Variants in ALK observed in about 807,000 individuals in gnomAD.
ALK encodes ALK receptor tyrosine kinase, also known as ALK tyrosine kinase receptor.
ALK carries 74 observed loss-of-function variants against 163.1 expected under a neutral mutation model. That is an observed-to-expected ratio of 0.45 (90% CI 0.38 to 0.55). The LOEUF (loss-of-function observed/expected upper bound fraction) is 0.55, where lower values mean the gene tolerates loss of function less well. Ranked by LOEUF, ALK falls within the 20% of genes least tolerant of loss-of-function variation. The pLI is 0.00. For synonymous variants in ALK, 960 were observed against 843.2 expected (o/e 1.14, Z -2.40); for missense variants, 2,063 against 2,105.3 (o/e 0.98, Z 0.39).
At chr2:29,673,803 C>A (rs1466879040) in intron 3 of ALK, among the ~76,000 whole-genome samples, 1 of 151,326 alleles carries the variant, frequency 6.6e-6, no homozygotes, top group Non-Finnish European at 1.5e-5. Flanking sequence ...ATTCTTCCTA[C>A]CCAAGAGCAT....
intron 2 of ALK, among the ~76,000 whole-genome samples, chr2:29,696,908 C>G (rs1203473984): frequency 1.3e-5 from 2 of 150,056 alleles, no homozygotes; most frequent in Non-Finnish European, 3.0e-5. Flanking sequence ...GAAATAAAAC[C>G]TGCTTGCCCT....
chr2:29,494,316 T>C (rs986761365), intron 4 of ALK, among the ~76,000 whole-genome samples: 1 of 152,134 alleles, frequency 6.6e-6, no homozygotes, highest in Non-Finnish European at 1.5e-5. Context: ...TCTCTGTTCA[T>C]GGTGAGGGAG....
At chr2:29,240,571 G>A (rs1196920438) in intron 12 of ALK, among the ~76,000 whole-genome samples, 1 of 152,166 alleles carries the variant, frequency 6.6e-6, no homozygotes, top group Non-Finnish European at 1.5e-5. Flanking sequence ...TATATGAGCC[G>A]ACTGTCTATT....
intron 2 of ALK, among the ~76,000 whole-genome samples, chr2:29,711,787 C>G (rs972636242): frequency 2.0e-5 from 3 of 152,212 alleles, no homozygotes; most frequent in African/African-American, 7.2e-5. Context: ...GTGTCTTTCT[C>G]TCTCTTTCCC....
chr2:29,450,026 G>A (rs1186507611), intron 4 of ALK, among the ~76,000 whole-genome samples: 1 of 152,104 alleles, frequency 6.6e-6, no homozygotes, highest in Non-Finnish European at 1.5e-5. Flanking sequence ...AGTTGGAAGT[G>A]GATAATAGCA....
intron 3 of ALK, among the ~76,000 whole-genome samples, chr2:29,601,961 G>A (rs888491141): frequency 6.6e-6 from 1 of 152,016 alleles, no homozygotes. Context: ...GGTGGGGGCG[G>A]GGGACAGGAA....
intron 3 of ALK, among the ~76,000 whole-genome samples, chr2:29,651,837 T>TA (rs1303222926): frequency 1.3e-5 from 2 of 152,214 alleles, no homozygotes; most frequent in African/African-American, 4.8e-5. Flanking sequence ...AATTGAATCT[T>TA]ATAATTACCA....
At chr2:29,744,685 C>G (rs994739681) in intron 1 of ALK, among the ~76,000 whole-genome samples, 1 of 152,272 alleles carries the variant, frequency 6.6e-6, no homozygotes, top group African/African-American at 2.4e-5. Flanking sequence ...ATGGCAGCCT[C>G]GACCTTCTGA....
intron 3 of ALK, among the ~76,000 whole-genome samples, chr2:29,633,961 T>C (rs1676452229): frequency 6.6e-6 from 1 of 152,174 alleles, no homozygotes; most frequent in Admixed American, 6.5e-5. Context: ...CCAGATGGCT[T>C]TATTGAAAAA....
chr2:29,720,400 T>C (rs1273501322), intron 1 of ALK, among the ~76,000 whole-genome samples: 1 of 151,976 alleles, frequency 6.6e-6, no homozygotes, highest in Non-Finnish European at 1.5e-5. Context: ...AAGCAGAAAG[T>C]CTTAACTTGC....
At chr2:29,213,317 A>G (rs1669512158) in intron 24 of ALK, among the ~76,000 whole-genome samples, 1 of 152,262 alleles carries the variant, frequency 6.6e-6, no homozygotes, top group Non-Finnish European at 1.5e-5. Flanking sequence ...ATTGTAATAG[A>G]AGAAACTAAG....
At chr2:29,414,401 G>T (rs1479403126) in intron 4 of ALK, among the ~76,000 whole-genome samples, 2 of 152,184 alleles carry the variant, frequency 1.3e-5, no homozygotes, top group African/African-American at 4.8e-5. Flanking sequence ...ACAGCCTGGA[G>T]ACTGAACTGG....
chr2:29,411,173 CA>C (rs1669716275), intron 4 of ALK, among the ~76,000 whole-genome samples: 1 of 152,190 alleles, frequency 6.6e-6, no homozygotes, highest in Non-Finnish European at 1.5e-5. Flanking sequence ...TGGTCAGGAT[CA>C]TCAGTATCAC....
chr2:29,470,854 T>C (rs1282079071), intron 4 of ALK, among the ~76,000 whole-genome samples: 1 of 152,146 alleles, frequency 6.6e-6, no homozygotes, highest in Non-Finnish European at 1.5e-5. Flanking sequence ...GGCTAATTAA[T>C]ATAATAATAG....
At chr2:29,564,362 T>A (rs1290837790) in intron 3 of ALK, among the ~76,000 whole-genome samples, 1 of 152,132 alleles carries the variant, frequency 6.6e-6, no homozygotes, top group South Asian at 2.1e-4. Context: ...AAACAGACAC[T>A]GTCAAATGGA....
Position 29,627,430 on chromosome 2 carries a change from A to T in ALK, c.952+67420T>A, listed in dbSNP as rs76918182. Among the ~76,000 whole-genome samples, 175 of 152,254 alleles carry T rather than the reference A, an allele frequency of 1.1e-3. 1 individual carries two copies. The highest frequency in any genetic ancestry group is 2.1e-3 in the Non-Finnish European group (145 of 67,996). On this transcript the variant is annotated intron_variant, in intron 3 of 28. Transcript: ENST00000389048. Reference sequence around the variant, plus strand: ...TTCTGCATTAGATGGCTGGTAGCCCATTTCCACTCCCTAATTTCGCATATG... The same window carrying T: ...TTCTGCATTAGATGGCTGGTAGCCCTTTTCCACTCCCTAATTTCGCATATG...
rs543885374 is a variant in ALK, at chr2:29,439,960, G to A, written c.1155-56101C>T. Among the ~76,000 whole-genome samples the A allele has an allele frequency of 3.2e-4, 48 of 152,212 alleles. 1 individual carries two copies. The Middle Eastern group carries it at 0.01, about 33-fold the overall frequency. ...CTAATACACATCTTTGGCCGGGCAT[G>A]GTGGCTCACGCCTGTAATCCCAGCA... is the stretch of plus-strand genomic sequence containing the variant. On this transcript the variant is annotated intron_variant, in intron 4 of 28. Coordinates refer to ENST00000389048, the MANE Select transcript of ALK (RefSeq NM_004304.5).
intron 2 of ALK, among the ~76,000 whole-genome samples, chr2:29,700,070 TCTATAGGCTTACC>T (rs1192869464): frequency 2.6e-5 from 4 of 152,206 alleles, no homozygotes; most frequent in African/African-American, 9.6e-5. Flanking sequence ...GGTCAGTGAT[TCTATAGGCTTACC>T]CTGGGCCGAC....
chr2:29,524,352 A>G (rs1318616086), intron 4 of ALK, among the ~76,000 whole-genome samples: 1 of 152,254 alleles, frequency 6.6e-6, no homozygotes, highest in Non-Finnish European at 1.5e-5. Context: ...TCCTGACTGG[A>G]TAAGAACAGC....
Sources: gnomAD v4.1 joint callset for allele counts (sites outside exome capture counted in the v4.1 genomes callset) on GRCh38, gnomAD v4.1.1 for gene constraint, MANE v1.5 for transcripts, NCBI Gene and HGNC (gene_info 2026-07-23, HGNC 2026-07-21) for gene names.